Variants in SLC35F1 observed in about 807,000 individuals in gnomAD.
SLC35F1 encodes the protein chromosome 6 open reading frame 169.
A neutral mutation model predicts 48.7 loss-of-function variants in SLC35F1; 14 were observed. The observed-to-expected ratio is 0.29, with a 90% confidence interval of 0.19 to 0.45. The LOEUF (loss-of-function observed/expected upper bound fraction) is 0.45. Among genes scored for constraint, SLC35F1 ranks in the 20% least tolerant of loss-of-function variants. The pLI is 1.00. For synonymous variants in SLC35F1, 190 were observed against 202.2 expected (o/e 0.94, Z 0.51); for missense variants, 404 against 500.0 (o/e 0.81, Z 1.83).
At chr6:118,040,615 C>T (rs549928358) in intron 1 of SLC35F1, among the ~76,000 whole-genome samples, 43 of 152,116 alleles carry the variant, frequency 2.8e-4, no homozygotes, top group African/African-American at 9.2e-4. Flanking sequence ...TTATTCTAGG[C>T]ATCTGCATAG....
At chr6:117,993,195 C>A (rs1776942755) in intron 1 of SLC35F1, among the ~76,000 whole-genome samples, 1 of 152,094 alleles carries the variant, frequency 6.6e-6, no homozygotes, top group Admixed American at 6.5e-5. Context: ...TGGGGCATAG[C>A]CAGCATGCAT....
chr6:118,031,704 TGTG>T, intron 1 of SLC35F1, among the ~76,000 whole-genome samples: 2 of 152,146 alleles, frequency 1.3e-5, no homozygotes, highest in Non-Finnish European at 2.9e-5. Flanking sequence ...CCATAGGGAG[TGTG>T]CTGCGAGTAG....
intron 1 of SLC35F1, among the ~76,000 whole-genome samples, chr6:118,063,968 G>C (rs1479438320): frequency 6.6e-5 from 10 of 152,172 alleles, no homozygotes; most frequent in African/African-American, 2.4e-4. Flanking sequence ...AACTGTATTA[G>C]TCTGTTTTCA....
intron 1 of SLC35F1, among the ~76,000 whole-genome samples, chr6:118,081,737 A>G (rs548868052): frequency 9.2e-5 from 14 of 152,324 alleles, no homozygotes; most frequent in African/African-American, 3.4e-4. Context: ...TGCTCAGTAC[A>G]TGTCACTGTG....
At chr6:117,966,351 C>G (rs1776570325) in intron 1 of SLC35F1, among the ~76,000 whole-genome samples, 1 of 151,918 alleles carries the variant, frequency 6.6e-6, no homozygotes, top group African/African-American at 2.4e-5. Context: ...CAGGAACTAA[C>G]AACTCCAGAG....
intron 1 of SLC35F1, among the ~76,000 whole-genome samples, chr6:118,042,286 A>G (rs1013533973): frequency 6.6e-6 from 1 of 152,222 alleles, no homozygotes; most frequent in African/African-American, 2.4e-5. Flanking sequence ...GAAGATAGCC[A>G]TATGTGAGCA....
At chr6:118,081,014 A>G (rs2114320330) in intron 1 of SLC35F1, among the ~76,000 whole-genome samples, 1 of 152,094 alleles carries the variant, frequency 6.6e-6, no homozygotes, top group East Asian at 1.9e-4. Context: ...CCTTGTCTAA[A>G]CCTCAGAAGT....
At chr6:118,152,131 G>T (rs1056083979) in intron 1 of SLC35F1, among the ~76,000 whole-genome samples, 1 of 152,116 alleles carries the variant, frequency 6.6e-6, no homozygotes, top group Non-Finnish European at 1.5e-5. Context: ...CTTCTCAAAG[G>T]GAGTGACATA....
intron 2 of SLC35F1, among the ~76,000 whole-genome samples, chr6:118,208,733 C>G (rs772077441): frequency 1.3e-5 from 2 of 152,102 alleles, no homozygotes; most frequent in African/African-American, 4.8e-5. Flanking sequence ...ATCTTTGAAG[C>G]CTTTATTTTG....
chr6:118,105,755 A>G (rs1464053864), intron 1 of SLC35F1, among the ~76,000 whole-genome samples: 1 of 152,194 alleles, frequency 6.6e-6, no homozygotes, highest in Non-Finnish European at 1.5e-5. Context: ...GTTCCTGACC[A>G]GTGGAGTGCT....
chr6:118,066,768 C>T (rs1271002899), intron 1 of SLC35F1, among the ~76,000 whole-genome samples: 17 of 130,250 alleles, frequency 1.3e-4, no homozygotes, highest in Non-Finnish European at 2.4e-4. Flanking sequence ...TTTCTTGAGA[C>T]AGAGTCTCGC....
intron 1 of SLC35F1, among the ~76,000 whole-genome samples, chr6:118,103,376 G>A (rs548530460): frequency 3.3e-5 from 5 of 152,172 alleles, no homozygotes; most frequent in African/African-American, 7.2e-5. Flanking sequence ...CCATTAACTC[G>A]TCACTTAGCA....
At chr6:118,201,073 A>C (rs2114535670) in intron 2 of SLC35F1, among the ~76,000 whole-genome samples, 1 of 152,250 alleles carries the variant, frequency 6.6e-6, no homozygotes, top group East Asian at 1.9e-4. Flanking sequence ...CACCATGCCC[A>C]GCTAATTATT....
At chr6:118,055,949 A>G (rs536939472) in intron 1 of SLC35F1, among the ~76,000 whole-genome samples, 1 of 152,368 alleles carries the variant, frequency 6.6e-6, no homozygotes, top group South Asian at 2.1e-4. Flanking sequence ...GCCTGTAGTC[A>G]GCATTTCAGA....
chr6:118,156,256 G>A lies in SLC35F1; in HGVS notation c.349+1636G>A, dbSNP rs377533568. Among the ~76,000 whole-genome samples the A allele has an allele frequency of 9.1e-4, 139 of 152,064 alleles. 1 individual carries two copies. The South Asian group carries it at 0.02, about 22-fold the overall frequency. On this transcript the variant is annotated intron_variant, in intron 2 of 7. Coordinates refer to ENST00000360388, the MANE Select transcript of SLC35F1 (RefSeq NM_001029858.4). Reference sequence around the variant, plus strand: ...TCAAAAAAAAAAAGCATGAAACTGCGTAAAATATTTGAAGAAATTTATTCT... The same window carrying A: ...TCAAAAAAAAAAAGCATGAAACTGCATAAAATATTTGAAGAAATTTATTCT...
chr6:118,265,617 T>G (rs1775764041), intron 3 of SLC35F1, among the ~76,000 whole-genome samples: 1 of 152,092 alleles, frequency 6.6e-6, no homozygotes, highest in Non-Finnish European at 1.5e-5. Flanking sequence ...GCTTGTTCCA[T>G]GTAGCAGAGG....
intron 1 of SLC35F1, among the ~76,000 whole-genome samples, chr6:118,129,235 A>G (rs960047098): frequency 6.6e-6 from 1 of 152,194 alleles, no homozygotes; most frequent in African/African-American, 2.4e-5. Flanking sequence ...GATAGTAGAG[A>G]ATAATGATAA....
chr6:118,199,208 G>A (rs929081), intron 2 of SLC35F1, among the ~76,000 whole-genome samples: 2 of 152,314 alleles, frequency 1.3e-5, no homozygotes, highest in East Asian at 3.9e-4. Flanking sequence ...TCTTATCTCA[G>A]GACACTGCAT....
chr6:118,230,995 C>CA (rs1775285892), intron 2 of SLC35F1, among the ~76,000 whole-genome samples: 1 of 151,956 alleles, frequency 6.6e-6, no homozygotes, highest in Non-Finnish European at 1.5e-5. Context: ...CCCCCACAAA[C>CA]AAAAACAACA....
Sources: allele counts gnomAD v4.1 joint callset (sites outside exome capture counted in the v4.1 genomes callset), GRCh38; gene constraint gnomAD v4.1.1; transcripts MANE v1.5; gene names NCBI Gene and HGNC (gene_info 2026-07-23, HGNC 2026-07-21).